The following NR3C2 variants were observed in gnomAD, a reference collection of about 807,000 sequenced individuals.
The protein encoded by NR3C2 is mineralocorticoid receptor.
Under a neutral mutation model 86.4 loss-of-function variants are expected in NR3C2, and 15 were observed. That is an observed-to-expected ratio of 0.17 (90% CI 0.12 to 0.27). The LOEUF (loss-of-function observed/expected upper bound fraction) is 0.27. Ranked by LOEUF, NR3C2 falls within the 10% of genes least tolerant of loss-of-function variation. The probability of loss-of-function intolerance (pLI) is 1.00; values close to 1 mark genes in which losing one functional copy is unlikely to be tolerated. For synonymous variants in NR3C2, 458 were observed against 450.5 expected (o/e 1.02, Z -0.21); for missense variants, 960 against 1,195.6 (o/e 0.80, Z 2.91).
chr4:148,325,978 A>T (rs1743944396), intron 2 of NR3C2, among the ~76,000 whole-genome samples: 1 of 152,236 alleles, frequency 6.6e-6, no homozygotes, highest in African/African-American at 2.4e-5. Context: ...TGGAGACAAA[A>T]TAATTTGATC....
At chr4:148,373,353 C>A (rs1746509476) in intron 2 of NR3C2, among the ~76,000 whole-genome samples, 1 of 152,074 alleles carries the variant, frequency 6.6e-6, no homozygotes, top group Non-Finnish European at 1.5e-5. Context: ...TTCTGATTTA[C>A]AACCAACTAT....
chr4:148,094,827 T>A (rs770832897), intron 8 of NR3C2, among the ~76,000 whole-genome samples: 15 of 151,942 alleles, frequency 9.9e-5, no homozygotes, highest in Non-Finnish European at 2.1e-4. Context: ...ATCCACAGAT[T>A]AACGAAATGT....
chr4:148,341,577 A>G lies in NR3C2; in HGVS notation c.1758-81460T>C, dbSNP rs530103099. On this transcript the variant is annotated intron_variant, in intron 2 of 8. Transcript: ENST00000358102. ...AACTATAATAAATATAATTTGTTGT[A>G]TAGCTCAAAATTGCTGGAGGAGAAT... is the stretch of plus-strand genomic sequence containing the variant. Among the ~76,000 whole-genome samples, 14 of 152,256 alleles carry G rather than the reference A, an allele frequency of 9.2e-5. No individual in the cohort carries two copies. In the East Asian group the frequency reaches 2.5e-3, roughly 27 times the overall value.
At position 148,159,492 on chromosome 4, in the gene NR3C2, C is replaced by A. The variant is rs988845490; in HGVS notation, c.2015-4591G>T. Among the ~76,000 whole-genome samples, 4 of 152,156 alleles carry A rather than the reference C, an allele frequency of 2.6e-5. No individual in the cohort carries two copies. In the South Asian group the frequency reaches 6.2e-4, roughly 24 times the overall value. On this transcript the variant is annotated intron_variant, in intron 4 of 8. Coordinates refer to ENST00000358102, the MANE Select transcript of NR3C2 (RefSeq NM_000901.5). ...CAAAAGAGCTTTTACTTGTTTTCAG[C>A]ATTCCAATGCTCACCATGACCCTAT... is the stretch of plus-strand genomic sequence containing the variant.
intron 3 of NR3C2, among the ~76,000 whole-genome samples, chr4:148,257,143 C>T (rs2149868212): frequency 6.6e-6 from 1 of 152,308 alleles, no homozygotes; most frequent in Non-Finnish European, 1.5e-5. Flanking sequence ...GCTCCCTCTA[C>T]CCACTTTGCC....
At chr4:148,284,164 A>T (rs2149899708) in intron 2 of NR3C2, among the ~76,000 whole-genome samples, 1 of 152,266 alleles carries the variant, frequency 6.6e-6, no homozygotes, top group South Asian at 2.1e-4. Flanking sequence ...GTAGAGCCTT[A>T]TGTATGGAAC....
intron 2 of NR3C2, among the ~76,000 whole-genome samples, chr4:148,323,423 G>A (rs921784272): frequency 2.1e-5 from 3 of 145,776 alleles, no homozygotes; most frequent in African/African-American, 5.3e-5. Flanking sequence ...CGAGCTTCCT[G>A]GCTGCTTTGT....
intron 3 of NR3C2, among the ~76,000 whole-genome samples, chr4:148,234,081 A>G (rs899178852): frequency 1.3e-5 from 2 of 152,134 alleles, no homozygotes; most frequent in Non-Finnish European, 2.9e-5. Context: ...TGGCCCATAT[A>G]CTGAATAATG....
intron 2 of NR3C2, among the ~76,000 whole-genome samples, chr4:148,422,931 G>A (rs1749351721): frequency 6.6e-6 from 1 of 152,054 alleles, no homozygotes; most frequent in African/African-American, 2.4e-5. Flanking sequence ...ATAAACTCCT[G>A]TGTTTTTCTT....
chr4:148,294,605 A>T (rs1741956810), intron 2 of NR3C2, among the ~76,000 whole-genome samples: 1 of 151,936 alleles, frequency 6.6e-6, no homozygotes, highest in Non-Finnish European at 1.5e-5. Flanking sequence ...GATAAACTAA[A>T]TTTCACTCTG....
chr4:148,280,811 C>A (rs1167927048), intron 2 of NR3C2, among the ~76,000 whole-genome samples: 1 of 152,158 alleles, frequency 6.6e-6, no homozygotes, highest in Non-Finnish European at 1.5e-5. Flanking sequence ...TAGCCTAATT[C>A]CGTTTTAGAA....
At chr4:148,241,621 C>A (rs1311794916) in intron 3 of NR3C2, among the ~76,000 whole-genome samples, 5 of 152,138 alleles carry the variant, frequency 3.3e-5, no homozygotes, top group Non-Finnish European at 7.3e-5. Context: ...CATTCCCTTG[C>A]ACTTTACCTG....
At chr4:148,404,739 A>C (rs1428970952) in intron 2 of NR3C2, among the ~76,000 whole-genome samples, 3 of 152,188 alleles carry the variant, frequency 2.0e-5, no homozygotes, top group East Asian at 3.8e-4. Flanking sequence ...AAAAGGAGGA[A>C]ATGTACTTAG....
chr4:148,366,819 G>A (rs1479907118), intron 2 of NR3C2, among the ~76,000 whole-genome samples: 3 of 152,012 alleles, frequency 2.0e-5, no homozygotes, highest in African/African-American at 7.2e-5. Context: ...TAATTTACTA[G>A]GCTATCATAA....
At chr4:148,410,506 CTT>C (rs1270756076) in intron 2 of NR3C2, among the ~76,000 whole-genome samples, 1 of 152,120 alleles carries the variant, frequency 6.6e-6, no homozygotes, top group Non-Finnish European at 1.5e-5. Flanking sequence ...CTTATGGAGA[CTT>C]AATTCAGGGA....
At chr4:148,416,111 A>G (rs1748983904) in intron 2 of NR3C2, among the ~76,000 whole-genome samples, 3 of 152,214 alleles carry the variant, frequency 2.0e-5, no homozygotes, top group Non-Finnish European at 1.5e-5. Flanking sequence ...CTGCATTTTT[A>G]TATCATAATA....
intron 2 of NR3C2, among the ~76,000 whole-genome samples, chr4:148,324,367 T>TG (rs1561043273): frequency 0.012 from 825 of 70,528 alleles, 2 homozygotes; most frequent in African/African-American, 0.035. Context: ...GTGTGTGTGT[T>TG]TGTGTGTGTG....
rs983412820 is a variant in NR3C2 at position 148,080,398 on chromosome 4, C to G, written c.*946G>C. On this transcript the variant is annotated 3_prime_UTR_variant, in exon 9 of 9. Coordinates refer to ENST00000358102, the MANE Select transcript of NR3C2 (RefSeq NM_000901.5). ...GAAGCTAAAAAAGGCACAGCTTTCC[C>G]TTTCTTAAATACACTGTAAACGGTT... 3 of 152,654 alleles carry G rather than the reference C, an allele frequency of 2.0e-5. No homozygotes were observed. The highest frequency in any genetic ancestry group is 4.4e-5 in the Non-Finnish European group (3 of 68,044). The allele number at this position is 152,654 out of a possible 1,614,324, so 9.5% of individuals were successfully genotyped here.
chr4:148,114,056 T>C (rs1250839823), intron 8 of NR3C2, 48 bp downstream of exon 8: 4 of 1,605,302 alleles, frequency 2.5e-6, no homozygotes, highest in East Asian at 2.2e-5. Context: ...GCAGTGTGTA[T>C]GTGGTTGCTG....
Sources: allele counts gnomAD v4.1 joint callset (sites outside exome capture counted in the v4.1 genomes callset), GRCh38; gene constraint gnomAD v4.1.1; transcripts MANE v1.5; gene names NCBI Gene and HGNC (gene_info 2026-07-23, HGNC 2026-07-21).